UBXN2A: variants seen among roughly 807,000 people sequenced by gnomAD.
UBXN2A encodes the protein UBX domain-containing protein 2A.
A neutral mutation model predicts 28.4 loss-of-function variants in UBXN2A; 28 were observed. The ratio of observed to expected loss-of-function variants is 0.99; its 90% confidence interval spans 0.73 to 1.35. UBXN2A has a LOEUF of 1.35. Ranked by LOEUF, UBXN2A falls within the 40% of genes most tolerant of loss-of-function variation. UBXN2A has a pLI of 0.00. For synonymous variants in UBXN2A, 97 were observed against 103.6 expected (o/e 0.94, Z 0.39); for missense variants, 253 against 297.9 (o/e 0.85, Z 1.11).
intron 2 of UBXN2A, among the ~76,000 whole-genome samples, chr2:23,966,584 C>G (rs570373013): frequency 8.0e-5 from 12 of 150,408 alleles, no homozygotes; most frequent in African/African-American, 2.7e-4. Context: ...TCCCGAGTAG[C>G]TGGGACTACA....
chr2:23,951,022 G>A (rs1482826101), intron 1 of UBXN2A, among the ~76,000 whole-genome samples: 5 of 152,070 alleles, frequency 3.3e-5, no homozygotes, highest in African/African-American at 9.7e-5. Context: ...ATATTTATGG[G>A]ATACATTGTG....
At chr2:23,951,495 T>A (rs1464184686) in intron 1 of UBXN2A, among the ~76,000 whole-genome samples, 1 of 148,190 alleles carries the variant, frequency 6.7e-6, no homozygotes, top group Non-Finnish European at 1.5e-5. Context: ...AGTTTTGCTC[T>A]TGTCACCCAG....
chr2:23,950,571 T>G (rs1706315270), intron 1 of UBXN2A, among the ~76,000 whole-genome samples: 1 of 151,440 alleles, frequency 6.6e-6, no homozygotes, highest in Non-Finnish European at 1.5e-5. Context: ...CCTGGCTAAT[T>G]TTTTGTATTT....
At chr2:23,957,464 G>A (rs1706682553) in intron 1 of UBXN2A, among the ~76,000 whole-genome samples, 2 of 152,020 alleles carry the variant, frequency 1.3e-5, no homozygotes, top group Non-Finnish European at 2.9e-5. Flanking sequence ...CACCACACTT[G>A]GCTAATTTTT....
intron 2 of UBXN2A, among the ~76,000 whole-genome samples, chr2:23,959,900 A>T (rs1706819517): frequency 6.6e-6 from 1 of 152,202 alleles, no homozygotes; most frequent in Non-Finnish European, 1.5e-5. Flanking sequence ...TGTTTATATA[A>T]ACTGTACATT....
At chr2:23,968,470 G>A (rs1405501717) in intron 2 of UBXN2A, among the ~76,000 whole-genome samples, 1 of 151,916 alleles carries the variant, frequency 6.6e-6, no homozygotes, top group Non-Finnish European at 1.5e-5. Context: ...AGGTCAGATC[G>A]AGATAATCCT....
chr2:23,948,752 T>A (rs1208424637), intron 1 of UBXN2A, among the ~76,000 whole-genome samples: 1 of 152,174 alleles, frequency 6.6e-6, no homozygotes, highest in African/African-American at 2.4e-5. Context: ...TAGCCAGTAT[T>A]CCAGTAAAAC....
chr2:23,954,156 A>G (rs933206953), intron 1 of UBXN2A, among the ~76,000 whole-genome samples: 1 of 152,020 alleles, frequency 6.6e-6, no homozygotes, highest in East Asian at 1.9e-4. Context: ...GGGACTACCC[A>G]TTAAGTAACT....
chr2:23,938,872 C>A (rs1455647300), upstream of UBXN2A, among the ~76,000 whole-genome samples: 1 of 152,130 alleles, frequency 6.6e-6, no homozygotes, highest in African/African-American at 2.4e-5. Context: ...ACCAAAAAAT[C>A]GGAAGAGCTC....
intron 2 of UBXN2A, among the ~76,000 whole-genome samples, chr2:23,962,222 C>G (rs1706958170): frequency 6.6e-6 from 1 of 152,172 alleles, no homozygotes; most frequent in Non-Finnish European, 1.5e-5. Context: ...TATGTGCTAT[C>G]TAAGCGTCCA....
chr2:23,995,473 C>T (rs906305810), intron 6 of UBXN2A, among the ~76,000 whole-genome samples: 2 of 151,946 alleles, frequency 1.3e-5, no homozygotes, highest in East Asian at 1.9e-4. Flanking sequence ...GGGCGGATCA[C>T]GAGGTCAGGA....
chr2:23,966,456 CTT>C (rs79851837), intron 2 of UBXN2A, among the ~76,000 whole-genome samples: 13 of 122,852 alleles, frequency 1.1e-4, no homozygotes, highest in Admixed American at 1.7e-4. Context: ...TTCTTTTTTT[CTT>C]TTTTTTTTTT....
intron 1 of UBXN2A, among the ~76,000 whole-genome samples, chr2:23,929,841 G>A (rs374550493): frequency 6.6e-6 from 1 of 152,048 alleles, no homozygotes; most frequent in Non-Finnish European, 1.5e-5. Flanking sequence ...TCCTAAATTG[G>A]GAAGGCCAAG....
chr2:23,947,879 A>G (rs1260601421), intron 1 of UBXN2A, among the ~76,000 whole-genome samples: 1 of 151,774 alleles, frequency 6.6e-6, no homozygotes, highest in African/African-American at 2.4e-5. Context: ...TTTGAGATGG[A>G]GTTTTGCTCT....
chr2:23,958,398 A>C, intron 2 of UBXN2A, 43 bp downstream of exon 2: 3 of 1,540,066 alleles, frequency 1.9e-6, no homozygotes, highest in Non-Finnish European at 2.6e-6. Context: ...TGCCTTTGTT[A>C]ATATCGTCCT....
chr2:23,960,809 AT>A (rs1465510641), intron 2 of UBXN2A, among the ~76,000 whole-genome samples: 1 of 151,750 alleles, frequency 6.6e-6, no homozygotes, highest in Non-Finnish European at 1.5e-5. Context: ...AGTTTTTTGT[AT>A]TTTTAGTGCA....
At chr2:23,975,616 C>G (rs1287854755) in intron 3 of UBXN2A, among the ~76,000 whole-genome samples, 1 of 152,140 alleles carries the variant, frequency 6.6e-6, no homozygotes, top group Non-Finnish European at 1.5e-5. Context: ...AGACTTATTA[C>G]TCCTTGACCC....
chr2:23,945,848 CAG>C (rs1199324916), intron 1 of UBXN2A, among the ~76,000 whole-genome samples: 5 of 142,312 alleles, frequency 3.5e-5, no homozygotes, highest in Admixed American at 3.0e-4. Context: ...TTTTTTGAGA[CAG>C]GGTCTCACTC....
At chr2:23,931,823 C>A (rs1408464814) in intron 1 of UBXN2A, among the ~76,000 whole-genome samples, 1 of 152,016 alleles carries the variant, frequency 6.6e-6, no homozygotes, top group African/African-American at 2.4e-5. Flanking sequence ...CCAGCCTGAG[C>A]AACATAGTGA....
Sources: allele counts gnomAD v4.1 joint callset (sites outside exome capture counted in the v4.1 genomes callset), GRCh38; gene constraint gnomAD v4.1.1; transcripts MANE v1.5; gene names NCBI Gene and HGNC (gene_info 2026-07-23, HGNC 2026-07-21).